The following AGR3 variants were observed in gnomAD, a reference collection of about 807,000 sequenced individuals.
AGR3 encodes anterior gradient protein 3.
In AGR3, 37 loss-of-function variants were observed where a neutral mutation model predicts 24.5. The ratio of observed to expected loss-of-function variants is 1.51; its 90% CI spans 1.16 to 1.99. The LOEUF is 1.99. AGR3 is among the 30% of genes most tolerant of loss of function. The pLI, the probability that AGR3 is intolerant of heterozygous loss-of-function variation, is 0.00. For synonymous variants in AGR3, 75 were observed against 61.6 expected, an observed-to-expected ratio of 1.22 and a Z score of -1.02; for missense variants, 228 against 191.1, an observed-to-expected ratio of 1.19 and a Z score of -1.14.
chr7:16,862,584 AATAAG>A, intron 4 of AGR3, 21 bp downstream of exon 4: 8 of 1,407,274 alleles, frequency 5.7e-6, no homozygotes, highest in Non-Finnish European at 6.6e-6. Context: ...TATATATTAT[AATAAG>A]ATATCAGGGG....
intron 1 of AGR3, among the ~76,000 whole-genome samples, chr7:16,880,174 C>CTTTTT (rs148378416): frequency 8.6e-6 from 1 of 116,456 alleles, no homozygotes; most frequent in Non-Finnish European, 1.8e-5. Flanking sequence ...TCCTTTCTTT[C>CTTTTT]TTTTTTTTTT....
In AGR3 at chr7:16,862,020, T is replaced by G; in HGVS notation, c.267A>C (p.Glu89Asp). ...KVFAQNEEIQ[E>D]MAQNKFIMLN... ...GCATGATGAACTTATTCTGAGCCATTTCTTGTATTTCTTCATTTTGGGCAA... is the reference window on the plus strand; with the variant it reads ...GCATGATGAACTTATTCTGAGCCATGTCTTGTATTTCTTCATTTTGGGCAA... The change falls in exon 5 of 8, where the codon GAA (glutamate) becomes GAC (aspartate). Residue 89 changes from glutamate to aspartate, a missense_variant. Coordinates refer to ENST00000310398, the MANE Select transcript of AGR3 (RefSeq NM_176813.5). 1.9e-6 allele frequency: 3 copies of G among 1,613,640 alleles called. No individual in the cohort carries two copies. Among genetic ancestry groups the G allele is most frequent in the Non-Finnish European group, 2.5e-6 (3 of 1,179,690 alleles).
chr7:16,859,693 A>G (rs951078452), intron 7 of AGR3, 62 bp from the exon 8 acceptor site: 23 of 1,120,042 alleles, frequency 2.1e-5, no homozygotes, highest in African/African-American at 1.4e-4. Flanking sequence ...GCTATGATCT[A>G]TTAACTCTAG....
intron 2 of AGR3, among the ~76,000 whole-genome samples, chr7:16,877,390 G>T (rs1217644748): frequency 6.7e-6 from 1 of 149,094 alleles, no homozygotes; most frequent in Non-Finnish European, 1.5e-5. Flanking sequence ...TTCCCACTTG[G>T]TTATTCAAAA....
downstream of AGR3, among the ~76,000 whole-genome samples, chr7:16,857,798 G>C (rs1447155580): frequency 1.3e-5 from 2 of 151,944 alleles, no homozygotes; most frequent in African/African-American, 4.8e-5. Flanking sequence ...ACAGAATAGT[G>C]ATCAAATAAG....
At chr7:16,881,617 T>C (rs1782117888) in intron 1 of AGR3, among the ~76,000 whole-genome samples, 1 of 152,210 alleles carries the variant, frequency 6.6e-6, no homozygotes, top group African/African-American at 2.4e-5. Flanking sequence ...TAATTTAACG[T>C]AAGTAACTGA....
intron 3 of AGR3, among the ~76,000 whole-genome samples, chr7:16,872,880 G>C (rs1002410766): frequency 6.6e-6 from 1 of 152,084 alleles, no homozygotes; most frequent in South Asian, 2.1e-4. Flanking sequence ...TCGGGGAAAG[G>C]CAGATCAAAA....
At chr7:16,862,838 A>T (rs577027195) in intron 3 of AGR3, among the ~76,000 whole-genome samples, 176 bp from the exon 4 acceptor site, 43 of 152,174 alleles carry the variant, frequency 2.8e-4, no homozygotes, top group Non-Finnish European at 5.9e-4. Context: ...CTCAGAACTG[A>T]TAGTATCAGT....
chr7:16,878,051 C>T (rs1309880435), intron 2 of AGR3, among the ~76,000 whole-genome samples: 1 of 151,952 alleles, frequency 6.6e-6, no homozygotes, highest in African/African-American at 2.4e-5. Context: ...GACTTAGTTA[C>T]CCCGAATTCT....
intron 3 of AGR3, chr7:16,865,780 T>C (rs1358927390): frequency 1.9e-5 from 14 of 750,102 alleles, no homozygotes; most frequent in South Asian, 1.8e-4. Context: ...TATGAAACAT[T>C]TCCTTGAAAT....
In AGR3 at chr7:16,859,541, A is replaced by T; in HGVS notation, c.*41T>A. The T allele has an allele frequency of 7.2e-7, 1 of 1,396,224 alleles. No homozygotes were observed. Among genetic ancestry groups the T allele is most frequent in the Non-Finnish European group, 9.9e-7 (1 of 1,010,282 alleles). 86.5% of individuals were successfully genotyped at this position (1,396,224 alleles called of 1,614,324 possible). A position where few individuals can be genotyped will look rare whatever the true frequency, so the allele number is the denominator to read the frequency against. ...AATGTGCCAGAGGTTTTCTTCATGA[A>T]ATTTGACTTCTTTGAAGTGAAGGCT... On this transcript the variant is annotated 3_prime_UTR_variant, in exon 8 of 8. Coordinates refer to ENST00000310398, the MANE Select transcript of AGR3 (RefSeq NM_176813.5).
intron 3 of AGR3, among the ~76,000 whole-genome samples, chr7:16,870,123 T>A (rs565190576): frequency 1.3e-5 from 2 of 152,138 alleles, no homozygotes; most frequent in African/African-American, 2.4e-5. Context: ...ATTTAGGTTC[T>A]TATAGATTTT....
At chr7:16,872,892 C>A (rs1025214812) in intron 3 of AGR3, among the ~76,000 whole-genome samples, 1 of 152,066 alleles carries the variant, frequency 6.6e-6, no homozygotes, top group African/African-American at 2.4e-5. Context: ...AGATCAAAAC[C>A]ACAATGAGAT....
chr7:16,880,582 C>CTCCTTTCCCCTCCTCTCCCT (rs1782099596), intron 1 of AGR3, among the ~76,000 whole-genome samples: 1 of 142,132 alleles, frequency 7.0e-6, no homozygotes, highest in African/African-American at 2.6e-5. Context: ...CTCCTCTCCC[C>CTCCTTTCCCCTCCTCTCCCT]TCCTTTCCCC....
At chr7:16,862,504 A>G in intron 4 of AGR3, 106 bp downstream of exon 4, 2 of 593,466 alleles carry the variant, frequency 3.4e-6, no homozygotes, top group Non-Finnish European at 5.2e-6. Flanking sequence ...TATTTTTTTT[A>G]ATGGGATTTG....
At position 16,879,656 on chromosome 7, in the gene AGR3, A is replaced by C. The variant is rs183499794; in HGVS notation, c.-27-1011T>G. Among the ~76,000 whole-genome samples the C allele has an allele frequency of 2.6e-5, 4 of 152,334 alleles. No homozygotes were observed. The East Asian group carries it at 7.7e-4, about 29-fold the overall frequency. Reference sequence around the variant, plus strand: ...TATTTAGTATTGAACTCATCACCAAAATAGTAAAATTTCCTTAGCCAAAAT... The same window carrying C: ...TATTTAGTATTGAACTCATCACCAACATAGTAAAATTTCCTTAGCCAAAAT... On this transcript the variant is annotated intron_variant, in intron 1 of 7. Coordinates refer to ENST00000310398, the MANE Select transcript of AGR3 (RefSeq NM_176813.5).
In AGR3 at chr7:16,859,447, T is replaced by G; in HGVS notation, c.*135A>C. On this transcript the variant is annotated 3_prime_UTR_variant, in exon 8 of 8. Coordinates refer to ENST00000310398, the MANE Select transcript of AGR3 (RefSeq NM_176813.5). Reference sequence around the variant, plus strand: ...AAAACATTTATTTTAATAAGACTATTGCAAACACATTAAAAAAACTAAATA... The same window carrying G: ...AAAACATTTATTTTAATAAGACTATGGCAAACACATTAAAAAAACTAAATA... The G allele has an allele frequency of 3.2e-6, 2 of 628,256 alleles. No homozygotes were observed. Among genetic ancestry groups the G allele is most frequent in the East Asian group, 6.1e-5 (2 of 32,998 alleles). The allele number at this position is 628,256 out of a possible 1,614,324, so 38.9% of individuals were successfully genotyped here.
At chr7:16,875,086 G>T (rs1781958668) in intron 2 of AGR3, among the ~76,000 whole-genome samples, 1 of 147,590 alleles carries the variant, frequency 6.8e-6, no homozygotes, top group Admixed American at 6.9e-5. Context: ...CTGCTCTCCA[G>T]CCTGGGTAAC....
At chr7:16,872,717 A>G (rs963838268) in intron 3 of AGR3, among the ~76,000 whole-genome samples, 9 of 152,212 alleles carry the variant, frequency 5.9e-5, no homozygotes, top group African/African-American at 2.2e-4. Context: ...ACATGGGCCT[A>G]TATCTAGAAT....
Sources: gnomAD v4.1 joint callset for allele counts (sites outside exome capture counted in the v4.1 genomes callset) on GRCh38, gnomAD v4.1.1 for gene constraint, MANE v1.5 for transcripts, NCBI Gene and HGNC (gene_info 2026-07-23, HGNC 2026-07-21) for gene names.